Variants in LINGO2 observed in about 807,000 individuals in gnomAD.
The protein encoded by LINGO2 is leucine rich repeat and Ig domain containing 2.
Under a neutral mutation model 30.6 loss-of-function variants are expected in LINGO2, and 14 were observed. The ratio of observed to expected loss-of-function variants is 0.46; its 90% CI spans 0.30 to 0.72. The LOEUF is 0.72. Ranked by LOEUF, LINGO2 falls within the 30% of genes least tolerant of loss-of-function variation. The probability of loss-of-function intolerance (pLI) is 0.07; values close to 1 mark genes in which losing one functional copy is unlikely to be tolerated. For synonymous variants in LINGO2, 317 were observed against 288.5 expected, an observed-to-expected ratio of 1.10 and a Z score of -1.00; for missense variants, 729 against 751.7, an observed-to-expected ratio of 0.97 and a Z score of 0.35.
chr9:28,758,805 T>C, the LINGO2 span, among the ~76,000 whole-genome samples: 1 of 152,122 alleles, frequency 6.6e-6, no homozygotes, highest in Non-Finnish European at 1.5e-5. Flanking sequence ...AAGGTATCAT[T>C]AGCTTTTAGT....
the LINGO2 span, among the ~76,000 whole-genome samples, chr9:28,936,933 A>G: frequency 6.6e-6 from 1 of 152,106 alleles, no homozygotes; most frequent in Admixed American, 6.6e-5. Flanking sequence ...CTTTCAGATG[A>G]CTGCTTTCTC....
chr9:28,173,904 G>A (rs991650474), intron 4 of LINGO2, among the ~76,000 whole-genome samples: 1 of 152,094 alleles, frequency 6.6e-6, no homozygotes, highest in Non-Finnish European at 1.5e-5. Flanking sequence ...ACAATATTAG[G>A]AGTAGCTGGT....
intron 4 of LINGO2, among the ~76,000 whole-genome samples, chr9:28,085,912 T>G (rs1283966887): frequency 6.6e-6 from 1 of 152,098 alleles, no homozygotes; most frequent in African/African-American, 2.4e-5. Context: ...CTCTATGTAC[T>G]GACATGAAAT....
intron 1 of LINGO2, among the ~76,000 whole-genome samples, chr9:28,615,036 T>G (rs1251617244): frequency 6.6e-6 from 1 of 152,138 alleles, no homozygotes; most frequent in Admixed American, 6.5e-5. Flanking sequence ...TCATCTTCTT[T>G]GTATGGAAAA....
At chr9:28,920,540 T>C in the LINGO2 span, among the ~76,000 whole-genome samples, 1 of 152,204 alleles carries the variant, frequency 6.6e-6, no homozygotes, top group Non-Finnish European at 1.5e-5. Context: ...TCCTAGTTAA[T>C]ACTTTTCTAT....
the LINGO2 span, among the ~76,000 whole-genome samples, chr9:28,829,284 A>C: frequency 6.6e-6 from 1 of 152,084 alleles, no homozygotes; most frequent in Non-Finnish European, 1.5e-5. Flanking sequence ...AGCCACTTAC[A>C]TTGGCAATAA....
chr9:28,377,504 TC>T (rs1201148822), intron 2 of LINGO2, among the ~76,000 whole-genome samples: 1 of 152,084 alleles, frequency 6.6e-6, no homozygotes, highest in Non-Finnish European at 1.5e-5. Flanking sequence ...GTAGTTAAGT[TC>T]TGGGGGAGTA....
chr9:27,968,318 T>C (rs1820195565), intron 5 of LINGO2, among the ~76,000 whole-genome samples: 1 of 152,064 alleles, frequency 6.6e-6, no homozygotes, highest in Admixed American at 6.6e-5. Context: ...TATCCAGCTA[T>C]GGAAAGACAA....
intron 1 of LINGO2, among the ~76,000 whole-genome samples, chr9:28,547,213 A>C (rs992398115): frequency 5.3e-5 from 8 of 152,234 alleles, no homozygotes; most frequent in African/African-American, 1.9e-4. Flanking sequence ...TATTACTACT[A>C]TGTGAAAAGG....
At chr9:28,937,987 T>G in the LINGO2 span, among the ~76,000 whole-genome samples, 1 of 152,136 alleles carries the variant, frequency 6.6e-6, no homozygotes, top group East Asian at 1.9e-4. Flanking sequence ...CTCCGCTACA[T>G]ATTTATGTTT....
At chr9:28,319,286 A>T (rs1824952872) in intron 3 of LINGO2, among the ~76,000 whole-genome samples, 1 of 152,158 alleles carries the variant, frequency 6.6e-6, no homozygotes, top group Non-Finnish European at 1.5e-5. Context: ...AGCCAGCAAT[A>T]ATGGGTGGAA....
chr9:28,090,527 A>T (rs1330581225), intron 4 of LINGO2, among the ~76,000 whole-genome samples: 1 of 152,228 alleles, frequency 6.6e-6, no homozygotes, highest in Admixed American at 6.5e-5. Flanking sequence ...CTTCATGCTA[A>T]AAACGCTCAA....
intron 4 of LINGO2, among the ~76,000 whole-genome samples, chr9:28,102,037 C>T (rs986026100): frequency 6.6e-6 from 1 of 152,104 alleles, no homozygotes; most frequent in African/African-American, 2.4e-5. Context: ...TCCAACTCAC[C>T]TTGATCCCTC....
chr9:28,055,613 C>G (rs1200641183), intron 4 of LINGO2, among the ~76,000 whole-genome samples: 5 of 152,122 alleles, frequency 3.3e-5, no homozygotes, highest in Non-Finnish European at 5.9e-5. Context: ...TTCTCTCTAT[C>G]ATAGGCTTAC....
the LINGO2 span, among the ~76,000 whole-genome samples, chr9:28,793,447 T>C: frequency 6.6e-6 from 1 of 152,116 alleles, no homozygotes; most frequent in East Asian, 1.9e-4. Context: ...TTGCGGAGAG[T>C]TGTTATTTTA....
At chr9:29,156,217 C>T in the LINGO2 span, among the ~76,000 whole-genome samples, 2 of 152,016 alleles carry the variant, frequency 1.3e-5, no homozygotes, top group Admixed American at 6.6e-5. Context: ...CACAACACAG[C>T]CCTTGAGATG....
At chr9:28,720,537 T>C in the LINGO2 span, among the ~76,000 whole-genome samples, 5 of 152,052 alleles carry the variant, frequency 3.3e-5, no homozygotes, top group East Asian at 9.6e-4. Context: ...AATTCATATG[T>C]GTAAAAAATT....
At chr9:28,333,407 A>T (rs904090688) in intron 3 of LINGO2, among the ~76,000 whole-genome samples, 2 of 152,194 alleles carry the variant, frequency 1.3e-5, no homozygotes, top group African/African-American at 2.4e-5. Context: ...TATAAGGTTA[A>T]TCTAGGTGGG....
At chr9:28,672,536 C>A (rs541620698), upstream of LINGO2, among the ~76,000 whole-genome samples, 103 of 152,262 alleles carry the variant, frequency 6.8e-4, no homozygotes, top group African/African-American at 2.3e-3. Context: ...TCTCAGCATA[C>A]AAATCTTAAA....
Sources: gnomAD v4.1 joint callset for allele counts (sites outside exome capture counted in the v4.1 genomes callset) on GRCh38, gnomAD v4.1.1 for gene constraint, MANE v1.5 for transcripts, NCBI Gene and HGNC (gene_info 2026-07-23, HGNC 2026-07-21) for gene names.